The following ERBB4 variants were observed in gnomAD, a reference collection of about 807,000 sequenced individuals.
ERBB4 encodes the protein receptor tyrosine-protein kinase erbB-4.
In ERBB4, 42 loss-of-function variants were observed where a neutral mutation model predicts 158.0. The ratio of observed to expected loss-of-function variants is 0.27; its 90% CI spans 0.21 to 0.34. The LOEUF is 0.34. Ranked by LOEUF, ERBB4 falls within the 10% of genes least tolerant of loss-of-function variation. ERBB4 has a pLI of 1.00. For missense variants in ERBB4, 1,333 were observed against 1,624.1 expected (o/e 0.82, Z 3.08); for synonymous variants, 583 against 558.7 (o/e 1.04, Z -0.61).
chr2:212,191,087 G>C (rs2082174629), intron 1 of ERBB4, among the ~76,000 whole-genome samples: 1 of 151,466 alleles, frequency 6.6e-6, no homozygotes, highest in Admixed American at 6.6e-5. Context: ...AAGTTTAATA[G>C]CAAGTATAAA....
rs1298517040 is a variant in ERBB4, at chr2:211,377,005, C to G, written c.*6610G>C. 4.3e-6 allele frequency: 1 copy of G among 232,972 alleles called. No individual in the cohort carries two copies. The highest frequency in any genetic ancestry group is 2.2e-5 in the African/African-American group (1 of 45,270). 14.4% of individuals were successfully genotyped at this position (232,972 alleles called of 1,614,324 possible). The stretch of plus-strand genomic sequence containing the variant: ...ATGCTACATATTTCAAAGTACCTTA[C>G]TTTAAAAGAACACCTTACATATCTA... On this transcript the variant is annotated 3_prime_UTR_variant, in exon 28 of 28. Coordinates refer to ENST00000342788, the MANE Select transcript of ERBB4 (RefSeq NM_005235.3).
At chr2:212,510,699 A>G (rs978971033) in intron 1 of ERBB4, among the ~76,000 whole-genome samples, 2 of 152,084 alleles carry the variant, frequency 1.3e-5, no homozygotes, top group Non-Finnish European at 2.9e-5. Flanking sequence ...TATCTGATTG[A>G]AAAGCCTAAC....
intron 2 of ERBB4, among the ~76,000 whole-genome samples, chr2:211,958,203 C>A (rs1265330092): frequency 6.6e-6 from 1 of 152,066 alleles, no homozygotes; most frequent in Non-Finnish European, 1.5e-5. Context: ...TTGCTTTAGT[C>A]ATCTCCTCTA....
chr2:212,097,851 A>G (rs989387139), intron 2 of ERBB4, among the ~76,000 whole-genome samples: 1 of 152,188 alleles, frequency 6.6e-6, no homozygotes, highest in Non-Finnish European at 1.5e-5. Context: ...ATTGAGATTA[A>G]AGAGTAAAAA....
At chr2:212,369,836 C>T (rs1372136584) in intron 1 of ERBB4, among the ~76,000 whole-genome samples, 4 of 152,068 alleles carry the variant, frequency 2.6e-5, no homozygotes, top group Non-Finnish European at 5.9e-5. Flanking sequence ...GGATTACAGG[C>T]ATGAGCCACT....
intron 20 of ERBB4, among the ~76,000 whole-genome samples, chr2:211,472,175 A>G (rs2064843470): frequency 6.6e-6 from 1 of 151,990 alleles, no homozygotes. Context: ...TACAGGCAAG[A>G]CGTGGTTCTG....
chr2:212,165,321 T>TAA (rs1559634584), intron 1 of ERBB4, among the ~76,000 whole-genome samples: 1 of 151,802 alleles, frequency 6.6e-6, no homozygotes, highest in African/African-American at 2.4e-5. Flanking sequence ...AATATATATA[T>TAA]ATATTTACTG....
intron 3 of ERBB4, among the ~76,000 whole-genome samples, chr2:211,873,971 A>C (rs1231758498): frequency 6.6e-6 from 1 of 152,170 alleles, no homozygotes; most frequent in Admixed American, 6.6e-5. Flanking sequence ...AAAGTCATTA[A>C]GATTTTTAAT....
intron 1 of ERBB4, among the ~76,000 whole-genome samples, chr2:212,203,322 A>G (rs1032412450): frequency 1.3e-5 from 2 of 152,118 alleles, no homozygotes; most frequent in African/African-American, 4.8e-5. Context: ...AAGCAGAGAG[A>G]AGAGCAAAAG....
intron 1 of ERBB4, among the ~76,000 whole-genome samples, chr2:212,228,646 T>TA (rs893742619): frequency 5.3e-5 from 8 of 151,878 alleles, no homozygotes; most frequent in African/African-American, 7.3e-5. Context: ...AGATGGCAGA[T>TA]AAAAAAAATA....
At chr2:212,500,880 T>C (rs777820268) in intron 1 of ERBB4, among the ~76,000 whole-genome samples, 1 of 152,202 alleles carries the variant, frequency 6.6e-6, no homozygotes, top group Non-Finnish European at 1.5e-5. Context: ...CAGAAAATTC[T>C]TGGAATACAC....
chr2:212,265,248 G>C (rs1488672109), intron 1 of ERBB4, among the ~76,000 whole-genome samples: 1 of 152,058 alleles, frequency 6.6e-6, no homozygotes, highest in Non-Finnish European at 1.5e-5. Flanking sequence ...CATGGTACGT[G>C]TATACACATG....
At position 212,538,595 on chromosome 2, in the gene ERBB4, C is replaced by T; in HGVS notation, c.-65G>A. 1 of 1,507,138 alleles carries T rather than the reference C, an allele frequency of 6.6e-7. No homozygotes were observed. Among genetic ancestry groups the T allele is most frequent in the Non-Finnish European group, 9.2e-7 (1 of 1,083,128 alleles). 93.4% of individuals were successfully genotyped at this position (1,507,138 alleles called of 1,614,324 possible). A position where few individuals can be genotyped will look rare whatever the true frequency, so the allele number is the denominator to read the frequency against. On this transcript the variant is annotated 5_prime_UTR_variant, in exon 1 of 28. Coordinates refer to ENST00000342788, the MANE Select transcript of ERBB4 (RefSeq NM_005235.3). ...CCAAATGGCATATCCCCCTTTCGGG[C>T]ACGCGGAGGAGATCCCCCAGCCGGG...
At chr2:211,498,262 G>A (rs12621088) in intron 20 of ERBB4, among the ~76,000 whole-genome samples, 60,266 of 151,790 alleles carry the variant, frequency 0.4, 12,617 homozygotes, top group African/African-American at 0.52. Flanking sequence ...ATGCCCTCTC[G>A]TTACATAGAA....
At chr2:211,516,489 A>G (rs1036275112) in intron 20 of ERBB4, among the ~76,000 whole-genome samples, 1 of 151,616 alleles carries the variant, frequency 6.6e-6, no homozygotes, top group Non-Finnish European at 1.5e-5. Flanking sequence ...GTGCGCCACC[A>G]TGACTGTCTA....
intron 1 of ERBB4, among the ~76,000 whole-genome samples, chr2:212,289,752 A>G (rs1468831715): frequency 6.6e-6 from 1 of 152,176 alleles, no homozygotes; most frequent in African/African-American, 2.4e-5. Context: ...AGGTGGCAAT[A>G]TTATTGGGGC....
intron 1 of ERBB4, among the ~76,000 whole-genome samples, chr2:212,160,276 G>A (rs1332906498): frequency 6.6e-6 from 1 of 151,884 alleles, no homozygotes; most frequent in Non-Finnish European, 1.5e-5. Flanking sequence ...TATGATAGCT[G>A]TAAACTCAGA....
At chr2:211,449,396 G>A (rs2064188121) in intron 20 of ERBB4, among the ~76,000 whole-genome samples, 1 of 152,108 alleles carries the variant, frequency 6.6e-6, no homozygotes, top group Non-Finnish European at 1.5e-5. Context: ...TGCAGTTAAG[G>A]CATAGGGTTT....
At chr2:212,470,662 CT>C (rs1689071835) in intron 1 of ERBB4, among the ~76,000 whole-genome samples, 1 of 152,074 alleles carries the variant, frequency 6.6e-6, no homozygotes, top group African/African-American at 2.4e-5. Context: ...AGAGTGGTTT[CT>C]GGATTTTCTA....
Sources: gnomAD v4.1 joint callset for allele counts (sites outside exome capture counted in the v4.1 genomes callset) on GRCh38, gnomAD v4.1.1 for gene constraint, MANE v1.5 for transcripts, NCBI Gene and HGNC (gene_info 2026-07-23, HGNC 2026-07-21) for gene names.